Variants in NBAS observed in about 807,000 individuals in gnomAD.
NBAS encodes the protein NBAS subunit of NRZ tethering complex, also known as NAG/BC035112 fusion.
In NBAS, 219 loss-of-function variants were observed where a neutral mutation model predicts 302.5. The ratio of observed to expected loss-of-function variants is 0.72; its 90% CI spans 0.65 to 0.81. The LOEUF is 0.81. Ranked by LOEUF, NBAS falls within the 30% of genes least tolerant of loss-of-function variation. NBAS has a pLI of 0.00. For synonymous variants in NBAS, 1,118 were observed against 1,021.6 expected, an observed-to-expected ratio of 1.09 and a Z score of -1.80; for missense variants, 2,932 against 2,841.6, an observed-to-expected ratio of 1.03 and a Z score of -0.72.
intron 26 of NBAS, chr2:15,397,365 T>A (rs1274385116): frequency 3.2e-5 from 8 of 253,632 alleles, no homozygotes; most frequent in Non-Finnish European, 5.2e-5. Context: ...TTTATTTTTT[T>A]TTCAGTACAA....
the NBAS span, among the ~76,000 whole-genome samples, chr2:15,103,913 T>A: frequency 6.6e-6 from 1 of 152,172 alleles, no homozygotes; most frequent in Admixed American, 6.6e-5. Context: ...GAAGATCTTA[T>A]TTTTCTTTCA....
At chr2:15,449,746 C>T (rs972939669) in intron 21 of NBAS, among the ~76,000 whole-genome samples, 4 of 152,190 alleles carry the variant, frequency 2.6e-5, no homozygotes, top group African/African-American at 9.7e-5. Context: ...GCTGATACAA[C>T]CACAAGGTTA....
chr2:15,156,916 C>G, the NBAS span, among the ~76,000 whole-genome samples: 1 of 152,314 alleles, frequency 6.6e-6, no homozygotes, highest in East Asian at 1.9e-4. Flanking sequence ...TGTTTCTTAA[C>G]CTTTCTGGAT....
the NBAS span, among the ~76,000 whole-genome samples, chr2:14,814,049 G>T: frequency 2.6e-5 from 4 of 152,338 alleles, no homozygotes; most frequent in East Asian, 7.7e-4. Context: ...GCTTTCAGGT[G>T]TGCAGAAGGT....
chr2:15,026,968 C>T, the NBAS span, among the ~76,000 whole-genome samples: 773 of 151,978 alleles, frequency 5.1e-3, 4 homozygotes, highest in Middle Eastern at 0.01. Flanking sequence ...TTTATTTTTC[C>T]ATTCATAAAC....
chr2:15,246,702 C>CG (rs1245576273), intron 44 of NBAS, among the ~76,000 whole-genome samples: 2 of 152,286 alleles, frequency 1.3e-5, no homozygotes, highest in East Asian at 3.9e-4. Context: ...CACCCTGGAT[C>CG]GGAAGTCATG....
chr2:15,191,347 C>T (rs113710765), intron 48 of NBAS, among the ~76,000 whole-genome samples: 2,016 of 152,194 alleles, frequency 0.013, 46 homozygotes, highest in Admixed American at 0.06. Context: ...AGAAGCCATC[C>T]GAAAAAGTCA....
chr2:15,127,136 T>C, the NBAS span, among the ~76,000 whole-genome samples: 1 of 152,178 alleles, frequency 6.6e-6, no homozygotes, highest in Admixed American at 6.5e-5. Context: ...GCTATGCAAT[T>C]TTTGAAAGAG....
intron 6 of NBAS, among the ~76,000 whole-genome samples, chr2:15,547,114 C>T (rs1293887476): frequency 2.6e-5 from 4 of 152,132 alleles, no homozygotes; most frequent in Admixed American, 2.6e-4. Context: ...TATTTATGGC[C>T]TAACAGAGCC....
chr2:15,101,813 T>C, the NBAS span, among the ~76,000 whole-genome samples: 1 of 152,158 alleles, frequency 6.6e-6, no homozygotes, highest in Admixed American at 6.5e-5. Context: ...TTCTAGAGGG[T>C]GGAAGCAGAA....
intron 16 of NBAS, among the ~76,000 whole-genome samples, chr2:15,471,148 G>C (rs1180451063): frequency 6.6e-6 from 1 of 151,996 alleles, no homozygotes; most frequent in East Asian, 1.9e-4. Flanking sequence ...CTCCCTCAGA[G>C]ACAAAAACTG....
At chr2:14,810,152 A>G in the NBAS span, among the ~76,000 whole-genome samples, 1 of 152,132 alleles carries the variant, frequency 6.6e-6, no homozygotes, top group Non-Finnish European at 1.5e-5. Context: ...TGGACTCTTG[A>G]GTTAATGCTG....
At chr2:15,279,849 A>G (rs1023587688) in intron 42 of NBAS, among the ~76,000 whole-genome samples, 1 of 152,188 alleles carries the variant, frequency 6.6e-6, no homozygotes, top group Admixed American at 6.5e-5. Flanking sequence ...AGAAGCTGTT[A>G]TCTTCCCTTT....
intron 33 of NBAS, among the ~76,000 whole-genome samples, chr2:15,354,893 C>A (rs989981841): frequency 6.6e-5 from 10 of 152,152 alleles, no homozygotes; most frequent in Non-Finnish European, 1.3e-4. Context: ...TCCTGGCCAG[C>A]CTTCAGCAAG....
intron 44 of NBAS, among the ~76,000 whole-genome samples, chr2:15,262,317 C>A (rs1450788505): frequency 6.6e-6 from 1 of 152,162 alleles, no homozygotes; most frequent in African/African-American, 2.4e-5. Context: ...CGTGATGAAG[C>A]CTGCTGCTTG....
chr2:15,409,613 C>A (rs1676585488), intron 25 of NBAS, among the ~76,000 whole-genome samples: 1 of 152,120 alleles, frequency 6.6e-6, no homozygotes, highest in African/African-American at 2.4e-5. Flanking sequence ...GTTCTATGTG[C>A]TCTTTTTCAA....
chr2:15,550,924 C>G (rs1664352376), intron 6 of NBAS, among the ~76,000 whole-genome samples: 1 of 152,066 alleles, frequency 6.6e-6, no homozygotes, highest in South Asian at 2.1e-4. Context: ...AGTCATTTTT[C>G]TTTCTCAGCC....
the NBAS span, among the ~76,000 whole-genome samples, chr2:14,827,294 A>C: frequency 6.6e-6 from 1 of 152,194 alleles, no homozygotes; most frequent in African/African-American, 2.4e-5. Context: ...TTGTTAATTC[A>C]AATTCTATTT....
At chr2:15,265,642 G>A (rs1288247132) in intron 44 of NBAS, among the ~76,000 whole-genome samples, 1 of 152,096 alleles carries the variant, frequency 6.6e-6, no homozygotes, top group Non-Finnish European at 1.5e-5. Context: ...TTAAAAAGTA[G>A]CAAATATGTA....
Sources: gnomAD v4.1 joint callset for allele counts (sites outside exome capture counted in the v4.1 genomes callset) on GRCh38, gnomAD v4.1.1 for gene constraint, MANE v1.5 for transcripts, NCBI Gene and HGNC (gene_info 2026-07-23, HGNC 2026-07-21) for gene names.